The following WDR70 variants were observed in gnomAD, a reference collection of about 807,000 sequenced individuals.
The protein encoded by WDR70 is WD repeat-containing protein 70.
WDR70 carries 53 observed loss-of-function variants against 88.6 expected under a neutral mutation model. The observed-to-expected ratio is 0.60, with a 90% CI of 0.48 to 0.75. The LOEUF (loss-of-function observed/expected upper bound fraction) is 0.75. Among genes scored for constraint, WDR70 ranks in the 30% least tolerant of loss-of-function variants. The pLI is 0.00. For synonymous variants in WDR70, 280 were observed against 270.0 expected (o/e 1.04, Z -0.36); for missense variants, 610 against 823.2 (o/e 0.74, Z 3.17).
chr5:37,702,040 T>C (rs1479310377), intron 12 of WDR70, among the ~76,000 whole-genome samples: 1 of 152,126 alleles, frequency 6.6e-6, no homozygotes, highest in African/African-American at 2.4e-5. Context: ...AGTCCTATAG[T>C]TGGTGCTTAG....
In WDR70 at chr5:37,381,642, A is replaced by G. The variant is rs1748427673; in HGVS notation, c.132A>G (p.Glu44=). 6.2e-7 allele frequency: 1 copy of G among 1,612,194 alleles called. No homozygotes were observed. The highest frequency in any genetic ancestry group is 1.1e-5 in the South Asian group (1 of 91,058). The change falls in exon 3 of 18, where the codon GAA becomes GAG. Residue 44 remains glutamate, a synonymous_variant. Coordinates refer to ENST00000265107, the MANE Select transcript of WDR70 (RefSeq NM_018034.4). ...CATTTGACTTGGAAGCAATGTTTGA[A>G]CAAACTCGAAGGACAGCTGTGGAAA... ...ARTFDLEAMF[E]QTRRTAVERS...
At chr5:37,415,187 T>G (rs1749661920) in intron 5 of WDR70, among the ~76,000 whole-genome samples, 2 of 151,870 alleles carry the variant, frequency 1.3e-5, no homozygotes, top group Admixed American at 6.6e-5. Flanking sequence ...TACTTCTTTC[T>G]ACACAGACAC....
intron 8 of WDR70, chr5:37,506,177 A>G: frequency 9.6e-7 from 1 of 1,037,146 alleles, no homozygotes; most frequent in Non-Finnish European, 1.5e-6. Flanking sequence ...AAACATCAGC[A>G]CCACTGAAGT....
At chr5:37,407,820 G>T (rs1318903865) in intron 5 of WDR70, among the ~76,000 whole-genome samples, 2 of 151,914 alleles carry the variant, frequency 1.3e-5, no homozygotes, top group East Asian at 3.9e-4. Context: ...TGAGCCACAG[G>T]CAGGTGAGCC....
At chr5:37,414,173 T>C (rs948553627) in intron 5 of WDR70, among the ~76,000 whole-genome samples, 2 of 149,866 alleles carry the variant, frequency 1.3e-5, no homozygotes, top group Non-Finnish European at 3.0e-5. Context: ...AGAAAATATA[T>C]ATCAGATCTT....
chr5:37,611,536 T>C (rs976369925), intron 10 of WDR70, among the ~76,000 whole-genome samples: 6 of 152,026 alleles, frequency 3.9e-5, no homozygotes, highest in African/African-American at 1.4e-4. Context: ...GTATTCAAGA[T>C]TTTGGAGATT....
intron 2 of WDR70, 92 bp from the exon 3 acceptor site, chr5:37,381,510 C>T (rs1748422815): frequency 1.0e-6 from 1 of 992,590 alleles, no homozygotes; most frequent in Non-Finnish European, 1.6e-6. Context: ...ATAAACTAGA[C>T]AAAGTAAGTG....
intron 17 of WDR70, among the ~76,000 whole-genome samples, chr5:37,729,920 G>GTAGC (rs1214011237): frequency 1.3e-4 from 19 of 151,812 alleles, no homozygotes; most frequent in African/African-American, 4.4e-4. Flanking sequence ...TCCACCCCTT[G>GTAGC]TAGCTAAATA....
At chr5:37,382,334 G>A (rs1473462795) in intron 3 of WDR70, among the ~76,000 whole-genome samples, 2 of 151,208 alleles carry the variant, frequency 1.3e-5, no homozygotes, top group African/African-American at 4.9e-5. Flanking sequence ...TCCTGACCTT[G>A]TGATCTGCCT....
At chr5:37,725,661 A>G (rs1368700842) in intron 16 of WDR70, among the ~76,000 whole-genome samples, 1 of 152,066 alleles carries the variant, frequency 6.6e-6, no homozygotes, top group Non-Finnish European at 1.5e-5. Context: ...TTGCATATCT[A>G]TCTTAATTAT....
At chr5:37,410,340 G>A (rs989301399) in intron 5 of WDR70, among the ~76,000 whole-genome samples, 1 of 151,718 alleles carries the variant, frequency 6.6e-6, no homozygotes, top group Non-Finnish European at 1.5e-5. Context: ...TGCCTGGCCT[G>A]AGTCTGCTAG....
Position 37,398,497 on chromosome 5 carries a change from A to C in WDR70, c.492+1927A>C, listed in dbSNP as rs1561837287. On this transcript the variant is annotated intron_variant, in intron 5 of 17. Coordinates refer to ENST00000265107, the MANE Select transcript of WDR70 (RefSeq NM_018034.4). ...ATCAGAAAAGCAACAGCTTTTGTAA[A>C]TCTGTCAATGACTGTCAAAATCGGT... Among the ~76,000 whole-genome samples the C allele has an allele frequency of 4.6e-5, 7 of 152,350 alleles. No individual in the cohort carries two copies. The South Asian group carries it at 1.4e-3, about 32-fold the overall frequency.
At chr5:37,680,061 G>C (rs962461913) in intron 10 of WDR70, among the ~76,000 whole-genome samples, 6 of 152,118 alleles carry the variant, frequency 3.9e-5, no homozygotes, top group African/African-American at 1.2e-4. Flanking sequence ...AGCATCGGCT[G>C]TTTTTTGACT....
At chr5:37,746,501 A>G (rs2112741805) in intron 17 of WDR70, among the ~76,000 whole-genome samples, 1 of 152,316 alleles carries the variant, frequency 6.6e-6, no homozygotes, top group Non-Finnish European at 1.5e-5. Context: ...TTTTGAAAAC[A>G]TTAACAAAAT....
intron 8 of WDR70, among the ~76,000 whole-genome samples, chr5:37,494,586 G>T (rs180763116): frequency 1.1e-4 from 16 of 152,284 alleles, no homozygotes; most frequent in African/African-American, 3.1e-4. Context: ...TCAAAAAACT[G>T]CAAGATAGGA....
At chr5:37,731,774 A>G (rs535517072) in intron 17 of WDR70, among the ~76,000 whole-genome samples, 3 of 152,282 alleles carry the variant, frequency 2.0e-5, no homozygotes, top group South Asian at 2.1e-4. Flanking sequence ...ACTGATATAA[A>G]TACTCTTTGC....
Position 37,423,061 on chromosome 5 carries a change from T to A in WDR70, c.493-14861T>A, listed in dbSNP as rs531352622. ...AAGAATAGTATTGTAGAGAGCAGTG[T>A]GGAAAGAAGTGAAGAGGATGGAAGT... On this transcript the variant is annotated intron_variant, in intron 5 of 17. Coordinates refer to ENST00000265107, the MANE Select transcript of WDR70 (RefSeq NM_018034.4). 1.6e-4 allele frequency among the ~76,000 whole-genome samples: 24 copies of A among 152,118 alleles called. No individual in the cohort carries two copies. In the South Asian group the frequency reaches 4.8e-3, roughly 30 times the overall value.
At chr5:37,402,964 T>TTTTTTAG (rs1749246505) in intron 5 of WDR70, among the ~76,000 whole-genome samples, 1 of 146,712 alleles carries the variant, frequency 6.8e-6, no homozygotes, top group African/African-American at 2.5e-5. Context: ...TTTTTTTTTT[T>TTTTTTAG]GAGTCAAAGT....
intron 9 of WDR70, among the ~76,000 whole-genome samples, chr5:37,555,148 C>A (rs910501164): frequency 6.6e-6 from 1 of 152,120 alleles, no homozygotes; most frequent in Non-Finnish European, 1.5e-5. Flanking sequence ...GCAACAAATG[C>A]ATTGGAAAAT....
Sources: allele counts gnomAD v4.1 joint callset (sites outside exome capture counted in the v4.1 genomes callset), GRCh38; gene constraint gnomAD v4.1.1; transcripts MANE v1.5; gene names NCBI Gene and HGNC (gene_info 2026-07-23, HGNC 2026-07-21).